CTSF: variants seen among roughly 807,000 people sequenced by gnomAD.
CTSF encodes the protein cathepsin F.
CTSF carries 65 observed loss-of-function variants against 63.5 expected under a neutral mutation model. The observed-to-expected ratio is 1.02, with a 90% CI of 0.84 to 1.26. The LOEUF (loss-of-function observed/expected upper bound fraction) is 1.26. Among genes scored for constraint, CTSF ranks in the 50% most tolerant of loss-of-function variants. CTSF has a pLI of 0.00. For synonymous variants in CTSF, 256 were observed against 258.1 expected (o/e 0.99, Z 0.08); for missense variants, 641 against 631.0 (o/e 1.02, Z -0.17).
intron 2 of CTSF, 150 bp from the exon 3 acceptor site, chr11:66,567,812 G>A (rs1242876693): frequency 1.5e-6 from 2 of 1,364,366 alleles, no homozygotes; most frequent in Non-Finnish European, 2.0e-6. Flanking sequence ...GGCCTGCACC[G>A]GGGCATCCTC....
chr11:66,568,454 C>G lies in CTSF; in HGVS notation c.33G>C (p.Leu11=). The G allele has an allele frequency of 6.9e-7, 1 of 1,440,542 alleles. No individual in the cohort carries two copies. Among genetic ancestry groups the G allele is most frequent in the Non-Finnish European group, 9.0e-7 (1 of 1,105,484 alleles). The allele number at this position is 1,440,542 out of a possible 1,614,324, so 89.2% of individuals were successfully genotyped here. A position where few individuals can be genotyped will look rare whatever the true frequency, so the allele number is the denominator to read the frequency against. The change falls in exon 1 of 13, where the codon CTG becomes CTC. Residue 11 remains leucine, a synonymous_variant. Coordinates refer to ENST00000310325, the MANE Select transcript of CTSF (RefSeq NM_003793.4). Reference sequence around the variant, plus strand: ...CGGCCACTGCGCCCGGGAGCAGCCCCAGCAGCGACAGGAGCTGCAGCCAGG... The same window carrying G: ...CGGCCACTGCGCCCGGGAGCAGCCCGAGCAGCGACAGGAGCTGCAGCCAGG... MAPWLQLLSL[L]GLLPGAVAAP...
At position 66,567,802 on chromosome 11, in the gene CTSF, G is replaced by A. The variant is rs77395890; in HGVS notation, c.313-140C>T. 4,995 of 1,375,650 alleles carry A rather than the reference G, an allele frequency of 3.6e-3. 133 individuals carry two copies. The African/African-American group carries it at 0.062, about 17-fold the overall frequency. 85.2% of individuals were successfully genotyped at this position (1,375,650 alleles called of 1,614,324 possible). A position where few individuals can be genotyped will look rare whatever the true frequency, so the allele number is the denominator to read the frequency against. On this transcript the variant is annotated intron_variant, in intron 2 of 12. Coordinates refer to ENST00000310325, the MANE Select transcript of CTSF (RefSeq NM_003793.4). ...CCCATCACAGTGGACAGTGAGGCAC[G>A]GCCTGCACCGGGGCATCCTCCCCTT...
At position 66,567,258 on chromosome 11, in the gene CTSF, CAT is replaced by C; in HGVS notation, c.593_594del (p.Tyr198Ter). 2 of 1,614,190 alleles carry C rather than the reference CAT, an allele frequency of 1.2e-6. No individual in the cohort carries two copies. Among genetic ancestry groups the C allele is most frequent in the Non-Finnish European group, 1.7e-6 (2 of 1,180,044 alleles). On this transcript the variant is annotated frameshift_variant, in exon 4 of 13. Coordinates refer to ENST00000310325, the MANE Select transcript of CTSF (RefSeq NM_003793.4). LOFTEE classifies it high-confidence loss of function. Reference sequence around the variant, plus strand: ...GCTGGGTCCTCACCTTCCTTTGACTCATATGTCCGGTTATAGGTAATGACAAA... The same window carrying C: ...GCTGGGTCCTCACCTTCCTTTGACTCATGTCCGGTTATAGGTAATGACAAA... ...KNFVITYNRT[Y>X]ESKEEARWRL... is the part of the protein sequence containing the mutation.
At position 66,564,595 on chromosome 11, in the gene CTSF, G is replaced by A; in HGVS notation, c.1284C>T (p.Leu428=). ...CCACAAGCAACACCGCATGGTCAAT[G>A]AGCCAAGGGCTGCAGAGGGGCCGGA... ...RPLRPLCSPW[L]IDHAVLLVGY... Residue 428 remains leucine, a synonymous_variant, in exon 11 of 13, where the codon CTC becomes CTT. Transcript: ENST00000310325. The A allele has an allele frequency of 1.3e-6, 2 of 1,592,056 alleles. No homozygotes were observed. The highest frequency in any genetic ancestry group is 1.7e-6 in the Non-Finnish European group (2 of 1,169,784).
chr11:66,565,886 A>G lies in CTSF; in HGVS notation c.909T>C (p.Asn303=). The change falls in exon 7 of 13, where the codon AAT becomes AAC. Residue 303 remains asparagine (N), a synonymous_variant. Coordinates refer to ENST00000310325, the MANE Select transcript of CTSF (RefSeq NM_003793.4). The stretch of plus-strand genomic sequence containing the variant: ...GGTTGAGAAACCACTGGCCCTCCAC[A>G]TTGCCTGTGACTGAGAAGGCCCAGC... ...GSCWAFSVTG[N]VEGQWFLNQG... 6.2e-7 allele frequency: 1 copy of G among 1,614,002 alleles called. No homozygotes were observed. The highest frequency in any genetic ancestry group is 1.1e-5 in the South Asian group (1 of 91,084).
intron 2 of CTSF, 22 bp from the exon 3 acceptor site, chr11:66,567,684 G>A (rs769858886): frequency 1.2e-6 from 2 of 1,604,954 alleles, no homozygotes; most frequent in Middle Eastern, 1.7e-4. Context: ...GGAAGAAGCT[G>A]CTCTGGGGGC....
chr11:66,566,528 G>T, intron 4 of CTSF, 124 bp from the exon 5 acceptor site: 1 of 795,308 alleles, frequency 1.3e-6, no homozygotes, highest in Non-Finnish European at 2.0e-6. Flanking sequence ...ACATGCAAGT[G>T]ATGGAGTGGG....
intron 4 of CTSF, 74 bp from the exon 5 acceptor site, chr11:66,566,478 G>T: frequency 7.1e-7 from 1 of 1,409,936 alleles, no homozygotes; most frequent in Non-Finnish European, 9.8e-7. Flanking sequence ...GGGCTAGCAG[G>T]CAGGGGTTTC....
chr11:66,567,912 C>T, intron 2 of CTSF, 72 bp downstream of exon 2: 5 of 1,518,106 alleles, frequency 3.3e-6, no homozygotes, highest in Middle Eastern at 1.8e-4. Flanking sequence ...GCGTCTTGAC[C>T]TGACCCGTCA....
At chr11:66,568,179 G>A (rs1332879959) in intron 1 of CTSF, 95 bp downstream of exon 1, 5 of 1,539,320 alleles carry the variant, frequency 3.2e-6, no homozygotes, top group Non-Finnish European at 4.4e-6. Context: ...ACCAGAGATC[G>A]GTTCGTCCAG....
At chr11:66,567,062 G>A (rs1233350608) in intron 4 of CTSF, among the ~76,000 whole-genome samples, 184 bp downstream of exon 4, 1 of 152,104 alleles carries the variant, frequency 6.6e-6, no homozygotes. Context: ...AGATAAGGTA[G>A]GAGAAGGGGC....
chr11:66,566,369 T>C lies in CTSF; in HGVS notation c.643A>G (p.Met215Val), dbSNP rs939297403. ...RWRLSVFVNN[M>V]VRAQKIQALD... ...GCCTGGATCTTCTGTGCTCGCACCA[T>C]GTTATTGACAAAGACGGACAGGCGC... Residue 215 changes from methionine (M) to valine (V), a missense_variant, in exon 5 of 13, where the codon ATG becomes GTG. Physicochemically the swap from Met to Val is conservative, Grantham distance 21. Transcript: ENST00000310325. 2.5e-6 allele frequency: 4 copies of C among 1,613,996 alleles called. No individual in the cohort carries two copies. Among genetic ancestry groups the C allele is most frequent in the South Asian group, 1.1e-5 (1 of 91,088 alleles).
chr11:66,566,551 C>A, intron 4 of CTSF, 147 bp from the exon 5 acceptor site: 1 of 690,924 alleles, frequency 1.4e-6, no homozygotes, highest in East Asian at 2.7e-5. Flanking sequence ...GTCTGATCAA[C>A]TTTTAGGGCC....
intron 4 of CTSF, 104 bp downstream of exon 4, chr11:66,567,142 A>T: frequency 8.4e-7 from 1 of 1,191,902 alleles, no homozygotes; most frequent in Non-Finnish European, 1.2e-6. Flanking sequence ...GTCCTTGAAC[A>T]GGTACACTGC....
chr11:66,564,947 A>G lies in CTSF; in HGVS notation c.1105T>C (p.Ser369Pro), dbSNP rs1857896361. 2 of 1,601,476 alleles carry G rather than the reference A, an allele frequency of 1.2e-6. No individual in the cohort carries two copies. Among genetic ancestry groups the G allele is most frequent in the African/African-American group, 2.7e-5 (2 of 74,736 alleles). Reference sequence around the variant, plus strand: ...ATGTAGACCTTGGCCTTCTCTGCTGAGAAGTTGCAGGACTGCATGTGACCC... The same window carrying G: ...ATGTAGACCTTGGCCTTCTCTGCTGGGAAGTTGCAGGACTGCATGTGACCC... ...YQGHMQSCNF[S>P]AEKAKVYIND... The change falls in exon 9 of 13, where the codon TCA (serine) becomes CCA (proline). Residue 369 changes from serine (S) to proline (P), a missense_variant. Physicochemically the swap from Ser to Pro is moderately conservative, Grantham distance 74. Coordinates refer to ENST00000310325, the MANE Select transcript of CTSF (RefSeq NM_003793.4).
chr11:66,567,733 G>C, intron 2 of CTSF, 71 bp from the exon 3 acceptor site: 2 of 1,549,666 alleles, frequency 1.3e-6, no homozygotes, highest in Non-Finnish European at 1.7e-6. Flanking sequence ...GGCCAAGATG[G>C]AGCTGGAGGC....
chr11:66,565,242 T>A (rs918863249), intron 8 of CTSF, among the ~76,000 whole-genome samples: 1 of 152,062 alleles, frequency 6.6e-6, no homozygotes, highest in Non-Finnish European at 1.5e-5. Flanking sequence ...AACTCCAACT[T>A]CTGACTCCTC....
At chr11:66,564,397 CAT>C in intron 11 of CTSF, 159 bp downstream of exon 11, 1 of 795,046 alleles carries the variant, frequency 1.3e-6, no homozygotes, top group South Asian at 1.8e-5. Context: ...GCTTCCCTGC[CAT>C]AGAGAGGACA....
chr11:66,563,465 C>A lies in CTSF; in HGVS notation c.*468G>T. On this transcript the variant is annotated 3_prime_UTR_variant, in exon 13 of 13. Transcript: ENST00000310325. ...GGGGACTGAGCATTTATACCACACTCGGGACAAGGACACCTCTTTATTGCT... is the reference window on the plus strand; with the variant it reads ...GGGGACTGAGCATTTATACCACACTAGGGACAAGGACACCTCTTTATTGCT... The A allele has an allele frequency of 2.1e-6, 1 of 475,234 alleles. No homozygotes were observed. The highest frequency in any genetic ancestry group is 3.7e-6 in the Non-Finnish European group (1 of 269,262). 29.4% of individuals were successfully genotyped at this position (475,234 alleles called of 1,614,324 possible).
Sources: allele counts gnomAD v4.1 joint callset (sites outside exome capture counted in the v4.1 genomes callset), GRCh38; gene constraint gnomAD v4.1.1; transcripts MANE v1.5; gene names NCBI Gene and HGNC (gene_info 2026-07-23, HGNC 2026-07-21).